The following PTP4A1 variants were observed in gnomAD, a reference collection of about 807,000 sequenced individuals.
The protein encoded by PTP4A1 is protein tyrosine phosphatase 4A1, also known as protein tyrosine phosphatase type IVA 1.
PTP4A1 carries 9 observed loss-of-function variants against 20.5 expected under a neutral mutation model. The ratio of observed to expected loss-of-function variants is 0.44; its 90% CI spans 0.26 to 0.77. PTP4A1 has a LOEUF of 0.77. Ranked by LOEUF, PTP4A1 falls within the 30% of genes least tolerant of loss-of-function variation. PTP4A1 has a pLI of 0.19. For synonymous variants in PTP4A1, 78 were observed against 67.4 expected, an observed-to-expected ratio of 1.16 and a Z score of -0.77; for missense variants, 137 against 218.8, an observed-to-expected ratio of 0.63 and a Z score of 2.36.
intron 2 of PTP4A1, among the ~76,000 whole-genome samples, chr6:63,531,663 A>T (rs958769875): frequency 1.3e-5 from 2 of 151,486 alleles, no homozygotes; most frequent in Non-Finnish European, 2.9e-5. Context: ...TCAATATTTC[A>T]TACTTTTTTG....
In PTP4A1 at chr6:63,553,417, A is replaced by G. The variant is rs540484272; in HGVS notation, c.-446+2924A>G. ...ACTGTGTGTTCAGTAGTGAAAGCCA[A>G]AGGTCAATGTGCTTCCTCCTTATAA... On this transcript the variant is annotated intron_variant, in intron 3 of 3. Transcript: ENST00000639568. Among the ~76,000 whole-genome samples, 6 of 152,312 alleles carry G rather than the reference A, an allele frequency of 3.9e-5. No homozygotes were observed. The South Asian group carries it at 1.2e-3, about 32-fold the overall frequency.
intron 3 of PTP4A1, among the ~76,000 whole-genome samples, chr6:63,557,847 G>A (rs1239750550): frequency 1.3e-5 from 2 of 152,016 alleles, no homozygotes; most frequent in African/African-American, 4.8e-5. Context: ...TTGAGAAAGA[G>A]GATAGCAAGA....
At position 63,560,833 on chromosome 6, in the gene PTP4A1, T is replaced by C. The variant is rs148611447; in HGVS notation, c.-446+10340T>C. ...TCTCAGACCAGTAACAGTTCATAGA[T>C]TGGCACCAGTTCACAGACTACACTT... is the stretch of plus-strand genomic sequence containing the variant. On this transcript the variant is annotated intron_variant, in intron 3 of 3. Transcript: ENST00000639568. Among the ~76,000 whole-genome samples, 54 of 152,310 alleles carry C rather than the reference T, an allele frequency of 3.5e-4. No homozygotes were observed. The East Asian group carries it at 9.4e-3, about 27-fold the overall frequency.
rs1257885517 is a variant in PTP4A1 at position 63,576,941 on chromosome 6, A to G, written c.61A>G (p.Ile21Val). 1.2e-6 allele frequency: 2 copies of G among 1,614,084 alleles called. No homozygotes were observed. Among genetic ancestry groups the G allele is most frequent in the Non-Finnish European group, 1.7e-6 (2 of 1,179,998 alleles). ...EVTYKNMRFL[I>V]THNPTNATLN... Reference sequence around the variant, plus strand: ...CACATACAAGAACATGAGATTTCTTATTACACACAATCCAACCAATGCGAC... The same window carrying G: ...CACATACAAGAACATGAGATTTCTTGTTACACACAATCCAACCAATGCGAC... The change falls in exon 2 of 6, where the codon ATT becomes GTT. Residue 21 changes from isoleucine to valine, a missense_variant. By Grantham distance (29) the Ile-to-Val change is conservative. Transcript: ENST00000626021.
At chr6:63,526,803 G>GTA (rs376671990) in intron 1 of PTP4A1, among the ~76,000 whole-genome samples, 17,424 of 101,004 alleles carry the variant, frequency 0.17, 1,468 homozygotes, top group East Asian at 0.19. Context: ...TCTCAAAAAT[G>GTA]TATATATATA....
chr6:63,532,313 T>G (rs977237323), intron 2 of PTP4A1, among the ~76,000 whole-genome samples: 3 of 152,208 alleles, frequency 2.0e-5, no homozygotes, highest in African/African-American at 7.2e-5. Flanking sequence ...TCTATTAAGT[T>G]GTTTTTTGAT....
chr6:63,547,498 A>ATT (rs752223359), intron 2 of PTP4A1, among the ~76,000 whole-genome samples: 12 of 90,794 alleles, frequency 1.3e-4, no homozygotes, highest in East Asian at 3.5e-4. Context: ...CCAGGGGGGA[A>ATT]TTTTTTTTTT....
intron 2 of PTP4A1, among the ~76,000 whole-genome samples, chr6:63,577,228 C>A (rs1437492488): frequency 2.0e-4 from 30 of 152,282 alleles, no homozygotes; most frequent in African/African-American, 7.0e-4. Context: ...GACAGTAAAA[C>A]AGTATAGCTC....
At chr6:63,540,467 A>C (rs998046470) in intron 2 of PTP4A1, among the ~76,000 whole-genome samples, 2 of 151,918 alleles carry the variant, frequency 1.3e-5, no homozygotes, top group Admixed American at 1.3e-4. Flanking sequence ...CTGAAAGTAC[A>C]AAAATTAGCC....
intron 1 of PTP4A1, among the ~76,000 whole-genome samples, chr6:63,527,574 G>T (rs1171444116): frequency 6.6e-6 from 1 of 152,104 alleles, no homozygotes; most frequent in Non-Finnish European, 1.5e-5. Flanking sequence ...TTCTAGATCT[G>T]CATGATACTT....
At chr6:63,550,357 CACCATTTGGT>C (rs1217619663) in exon 3 of PTP4A1, 2 of 152,158 alleles carry the variant, frequency 1.3e-5, no homozygotes, top group Non-Finnish European at 2.9e-5. Flanking sequence ...AGGCTTGGGT[CACCATTTGGT>C]GAGCTGAGGG....
Position 63,580,272 on chromosome 6 carries a change from C to A in PTP4A1, c.*98C>A. 1.0e-6 allele frequency: 1 copy of A among 991,662 alleles called. No homozygotes were observed. Among genetic ancestry groups the A allele is most frequent in the Non-Finnish European group, 1.5e-6 (1 of 645,808 alleles). The allele number at this position is 991,662 out of a possible 1,614,324, so 61.4% of individuals were successfully genotyped here. ...TGTTGGCTTAGTAAGTCTAATGAAG[C>A]TTCCATAGGAGTATTGAAAGGCAGT... On this transcript the variant is annotated 3_prime_UTR_variant, in exon 6 of 6. Coordinates refer to ENST00000626021, the MANE Select transcript of PTP4A1 (RefSeq NM_003463.5).
chr6:63,580,786 CA>C lies in PTP4A1; in HGVS notation c.*613del, dbSNP rs1170290662. The stretch of plus-strand genomic sequence containing the variant: ...TTATTTTACGTGTTTCCATGTATCT[CA>C]CTTTGTGCTGTATTAAAAAAACCTC... On this transcript the variant is annotated 3_prime_UTR_variant, in exon 6 of 6. Coordinates refer to ENST00000626021, the MANE Select transcript of PTP4A1 (RefSeq NM_003463.5). The C allele has an allele frequency of 6.7e-6, 1 of 149,964 alleles. No individual in the cohort carries two copies. The highest frequency in any genetic ancestry group is 1.5e-5 in the Non-Finnish European group (1 of 67,588). 9.3% of individuals were successfully genotyped at this position (149,964 alleles called of 1,614,324 possible).
rs576282235 is a variant in PTP4A1, at chr6:63,576,739, A to G, written c.-142A>G. 1.0e-4 allele frequency: 69 copies of G among 663,282 alleles called. No homozygotes were observed. In the African/African-American group the frequency reaches 1.1e-3, roughly 10 times the overall value. The allele number at this position is 663,282 out of a possible 1,614,324, so 41.1% of individuals were successfully genotyped here. A position where few individuals can be genotyped will look rare whatever the true frequency, so the allele number is the denominator to read the frequency against. ...TGTTAGGAGGTTCATTTCACTTATCATTACTTACAACTTCATACTCAAAGC... is the reference window on the plus strand; with the variant it reads ...TGTTAGGAGGTTCATTTCACTTATCGTTACTTACAACTTCATACTCAAAGC... On this transcript the variant is annotated 5_prime_UTR_variant, in exon 2 of 6. Coordinates refer to ENST00000626021, the MANE Select transcript of PTP4A1 (RefSeq NM_003463.5).
At chr6:63,535,480 A>G (rs1775677762) in intron 2 of PTP4A1, among the ~76,000 whole-genome samples, 1 of 152,234 alleles carries the variant, frequency 6.6e-6, no homozygotes, top group South Asian at 2.1e-4. Flanking sequence ...AAGAAAAAAA[A>G]AAGCAATAAT....
At chr6:63,529,177 G>GTA (rs1263638909) in intron 2 of PTP4A1, among the ~76,000 whole-genome samples, 1 of 142,300 alleles carries the variant, frequency 7.0e-6, no homozygotes, top group African/African-American at 2.6e-5. Context: ...ATATATATAT[G>GTA]TATATATATG....
At chr6:63,557,423 G>T (rs1776738678) in intron 3 of PTP4A1, among the ~76,000 whole-genome samples, 1 of 151,888 alleles carries the variant, frequency 6.6e-6, no homozygotes, top group African/African-American at 2.4e-5. Context: ...AAAATTATCT[G>T]GTGTAGTGTG....
intron 3 of PTP4A1, among the ~76,000 whole-genome samples, chr6:63,566,825 T>C (rs1777210653): frequency 6.6e-6 from 1 of 152,212 alleles, no homozygotes. Flanking sequence ...AGAACTCCTT[T>C]CAAAGTTGCA....
At chr6:63,527,504 A>G (rs1198555158) in intron 1 of PTP4A1, among the ~76,000 whole-genome samples, 1 of 152,176 alleles carries the variant, frequency 6.6e-6, no homozygotes, top group Non-Finnish European at 1.5e-5. Context: ...TAGAGGGTAT[A>G]AATAATATCT....
Sources: allele counts gnomAD v4.1 joint callset (sites outside exome capture counted in the v4.1 genomes callset), GRCh38; gene constraint gnomAD v4.1.1; transcripts MANE v1.5; gene names NCBI Gene and HGNC (gene_info 2026-07-23, HGNC 2026-07-21).